Variants in FBXL13 observed in about 807,000 individuals in gnomAD.
FBXL13 encodes F-box and leucine-rich repeat protein 13.
A neutral mutation model predicts 83.6 loss-of-function variants in FBXL13; 67 were observed. The ratio of observed to expected loss-of-function variants is 0.80; its 90% CI spans 0.66 to 0.98. The LOEUF (loss-of-function observed/expected upper bound fraction) is 0.98. Among genes scored for constraint, FBXL13 ranks in the 50% least tolerant of loss-of-function variants. The probability of loss-of-function intolerance (pLI) is 0.00; values close to 1 mark genes in which losing one functional copy is unlikely to be tolerated. For missense variants in FBXL13, 822 were observed against 866.5 expected, an observed-to-expected ratio of 0.95 and a Z score of 0.64; for synonymous variants, 272 against 299.5, an observed-to-expected ratio of 0.91 and a Z score of 0.95.
intron 6 of FBXL13, among the ~76,000 whole-genome samples, chr7:103,023,563 G>A (rs1348677944): frequency 6.6e-6 from 1 of 152,132 alleles, no homozygotes; most frequent in African/African-American, 2.4e-5. Context: ...AAGCAGTTTG[G>A]CCATTTCTCA....
intron 6 of FBXL13, among the ~76,000 whole-genome samples, chr7:102,979,231 G>A (rs562598345): frequency 6.6e-6 from 1 of 152,310 alleles, no homozygotes; most frequent in African/African-American, 2.4e-5. Flanking sequence ...CAAGGTGTCA[G>A]GAAGATCCCT....
At chr7:103,030,470 C>T (rs1293435537) in intron 2 of FBXL13, among the ~76,000 whole-genome samples, 1 of 152,070 alleles carries the variant, frequency 6.6e-6, no homozygotes. Context: ...GATATTACAG[C>T]AGGCAGAATA....
At chr7:102,987,980 G>A (rs773053245) in intron 6 of FBXL13, 6 of 152,150 alleles carry the variant, frequency 3.9e-5, no homozygotes, top group Non-Finnish European at 7.3e-5. Flanking sequence ...TTTGGCAATC[G>A]TGAGTAAACA....
intron 2 of FBXL13, among the ~76,000 whole-genome samples, chr7:103,039,024 G>T (rs757772580): frequency 3.9e-5 from 6 of 152,152 alleles, no homozygotes; most frequent in Non-Finnish European, 5.9e-5. Context: ...AAACTTCTCT[G>T]AGCTAAAGGA....
At chr7:103,006,928 T>C (rs1186967877) in intron 6 of FBXL13, among the ~76,000 whole-genome samples, 1 of 152,118 alleles carries the variant, frequency 6.6e-6, no homozygotes, top group Non-Finnish European at 1.5e-5. Flanking sequence ...TAGAGATCAA[T>C]ACAATATCTG....
chr7:102,881,436 C>CAAA (rs34979881), intron 14 of FBXL13, among the ~76,000 whole-genome samples: 10 of 61,328 alleles, frequency 1.6e-4, no homozygotes, highest in African/African-American at 2.4e-4. Flanking sequence ...GACTCCATCT[C>CAAA]AAAAAAAAAA....
At chr7:102,872,043 C>T (rs1808596588) in intron 16 of FBXL13, among the ~76,000 whole-genome samples, 1 of 152,144 alleles carries the variant, frequency 6.6e-6, no homozygotes, top group Admixed American at 6.5e-5. Flanking sequence ...CAAGTCCAAT[C>T]TCCTTGACAC....
rs1793552982 is a variant in FBXL13 at position 103,024,135 on chromosome 7, A to AGAGAG, written c.495+927_495+928insCTCTC. ...CCCTCAACCTAAAATAAAAGTTAAA[A>AGAGAG]AGAGAGAGAGAGAGAGAGAGAGAGA... On this transcript the variant is annotated intron_variant, in intron 6 of 19. Coordinates refer to ENST00000313221, the Ensembl canonical transcript of FBXL13. Among the ~76,000 whole-genome samples the AGAGAG allele has an allele frequency of 3.9e-4, 38 of 96,584 alleles. 2 individuals carry two copies. The highest frequency in any genetic ancestry group is 3.7e-4 in the South Asian group (1 of 2,706). The allele number at this position is 96,584 out of a possible 152,430, so 63.4% of individuals were successfully genotyped here.
intron 1 of FBXL13, among the ~76,000 whole-genome samples, chr7:103,056,228 T>C (rs1443606284): frequency 6.6e-6 from 1 of 152,206 alleles, no homozygotes; most frequent in Non-Finnish European, 1.5e-5. Flanking sequence ...ATATATGATG[T>C]GATATATATA....
chr7:102,890,100 T>G (rs1039788637), intron 11 of FBXL13, among the ~76,000 whole-genome samples: 3 of 152,164 alleles, frequency 2.0e-5, no homozygotes. Context: ...TCCAAAAAGA[T>G]ATTTGGCTAA....
At chr7:103,003,911 T>C (rs1790703634) in intron 6 of FBXL13, among the ~76,000 whole-genome samples, 1 of 152,214 alleles carries the variant, frequency 6.6e-6, no homozygotes, top group Non-Finnish European at 1.5e-5. Flanking sequence ...TAAAAAGTTT[T>C]TAATCTCCTT....
Position 102,939,680 on chromosome 7 carries a change from T to C in FBXL13, c.725-7747A>G, listed in dbSNP as rs144264874. The C allele has an allele frequency of 2.8e-6, 3 of 1,070,500 alleles. No homozygotes were observed. The African/African-American group carries it at 4.7e-5, about 17-fold the overall frequency. The allele number at this position is 1,070,500 out of a possible 1,614,324, so 66.3% of individuals were successfully genotyped here. ...ATATACAGTAAATTCAGTTTAAAAG[T>C]AACTGAACTAAATAATAAAGTACAA... On this transcript the variant is annotated intron_variant, in intron 8 of 19. Transcript: ENST00000313221.
intron 2 of FBXL13, among the ~76,000 whole-genome samples, chr7:103,029,665 G>A (rs1646717431): frequency 6.6e-6 from 1 of 152,026 alleles, no homozygotes; most frequent in African/African-American, 2.4e-5. Flanking sequence ...ATCTCACTTA[G>A]TTTGAAGAGT....
At chr7:102,840,909 G>A (rs1257014056) in intron 17 of FBXL13, among the ~76,000 whole-genome samples, 1 of 152,158 alleles carries the variant, frequency 6.6e-6, no homozygotes, top group African/African-American at 2.4e-5. Context: ...ATGGACCCTG[G>A]CTTTTGTCTG....
chr7:102,949,783 C>T (rs997142639), intron 8 of FBXL13, among the ~76,000 whole-genome samples: 2 of 152,090 alleles, frequency 1.3e-5, no homozygotes. Flanking sequence ...CATATACAAA[C>T]ATATACATCC....
At chr7:102,818,388 C>A (rs1798292216) in intron 19 of FBXL13, among the ~76,000 whole-genome samples, 1 of 152,170 alleles carries the variant, frequency 6.6e-6, no homozygotes, top group South Asian at 2.1e-4. Context: ...TTTCCTTATC[C>A]ATTTTGATGA....
intron 17 of FBXL13, among the ~76,000 whole-genome samples, chr7:102,850,795 A>G (rs2129450961): frequency 6.6e-6 from 1 of 152,290 alleles, no homozygotes; most frequent in South Asian, 2.1e-4. Context: ...TATTAAATAT[A>G]CTACCAGGCA....
intron 6 of FBXL13, chr7:102,975,904 C>A (rs77574575): frequency 8.7e-5 from 66 of 757,806 alleles, no homozygotes; most frequent in Non-Finnish European, 1.4e-4. Context: ...CCCTGCAGGC[C>A]ATGGGGCCAC....
chr7:102,860,216 G>T (rs1254095696), intron 16 of FBXL13, among the ~76,000 whole-genome samples: 1 of 152,116 alleles, frequency 6.6e-6, no homozygotes, highest in Non-Finnish European at 1.5e-5. Flanking sequence ...TCACTATAAT[G>T]AGGTTCCTTA....
Sources: allele counts gnomAD v4.1 joint callset (sites outside exome capture counted in the v4.1 genomes callset), GRCh38; gene constraint gnomAD v4.1.1; transcripts MANE v1.5; gene names NCBI Gene and HGNC (gene_info 2026-07-23, HGNC 2026-07-21).